The following CSNK2A2IP variants were observed in gnomAD, a reference collection of about 807,000 sequenced individuals.
CSNK2A2IP encodes casein kinase II subunit alpha'-interacting protein.
At chr3:88,422,220 C>T in the CSNK2A2IP span, among the ~76,000 whole-genome samples, 2 of 151,936 alleles carry the variant, frequency 1.3e-5, no homozygotes, top group Admixed American at 1.3e-4. Context: ...ATTTAAATTC[C>T]CATCTATTCC....
At chr3:88,373,392 G>A in the CSNK2A2IP span, among the ~76,000 whole-genome samples, 1 of 151,284 alleles carries the variant, frequency 6.6e-6, no homozygotes, top group Non-Finnish European at 1.5e-5. Flanking sequence ...ATGGATTAAA[G>A]AAGAAATAAA....
chr3:88,405,364 T>A, the CSNK2A2IP span, among the ~76,000 whole-genome samples: 2 of 152,112 alleles, frequency 1.3e-5, no homozygotes, highest in African/African-American at 4.8e-5. Flanking sequence ...TCTTTTAACC[T>A]CCGGTGAGCT....
chr3:88,464,788 T>A, the CSNK2A2IP span, among the ~76,000 whole-genome samples: 1 of 152,212 alleles, frequency 6.6e-6, no homozygotes, highest in African/African-American at 2.4e-5. Flanking sequence ...GCACCAGTGA[T>A]AACTACTGCA....
At chr3:88,427,741 A>G in the CSNK2A2IP span, among the ~76,000 whole-genome samples, 5 of 151,966 alleles carry the variant, frequency 3.3e-5, no homozygotes, top group Admixed American at 6.6e-5. Context: ...AGGTTTGGGA[A>G]CCTCCGCCTA....
chr3:88,354,245 C>T, the CSNK2A2IP span, among the ~76,000 whole-genome samples: 74 of 152,252 alleles, frequency 4.9e-4, 1 homozygote, highest in East Asian at 8.9e-3. Context: ...TTTATGGCAA[C>T]ACAAAATAGA....
the CSNK2A2IP span, among the ~76,000 whole-genome samples, chr3:88,436,416 AT>A: frequency 1.5e-3 from 232 of 152,002 alleles, no homozygotes; most frequent in African/African-American, 5.2e-3. Flanking sequence ...ATATAAATTA[AT>A]TTTTTTTGTA....
the CSNK2A2IP span, among the ~76,000 whole-genome samples, chr3:88,405,826 G>C: frequency 1.3e-5 from 2 of 152,070 alleles, no homozygotes; most frequent in Non-Finnish European, 2.9e-5. Flanking sequence ...TTAGCACTCT[G>C]TTTCATTCTT....
the CSNK2A2IP span, among the ~76,000 whole-genome samples, chr3:88,460,468 C>A: frequency 6.6e-6 from 1 of 152,158 alleles, no homozygotes; most frequent in Non-Finnish European, 1.5e-5. Flanking sequence ...AACTCTCTCT[C>A]GTTAAGTTTT....
the CSNK2A2IP span, among the ~76,000 whole-genome samples, chr3:88,425,528 T>A: frequency 6.6e-6 from 1 of 152,142 alleles, no homozygotes; most frequent in Admixed American, 6.6e-5. Context: ...TGAATTCTGT[T>A]TTCTTGTCAA....
At chr3:88,358,919 T>C in the CSNK2A2IP span, among the ~76,000 whole-genome samples, 2 of 152,080 alleles carry the variant, frequency 1.3e-5, no homozygotes, top group Non-Finnish European at 2.9e-5. Flanking sequence ...TTTGTTCCAC[T>C]TTAAACGTTG....
the CSNK2A2IP span, among the ~76,000 whole-genome samples, chr3:88,354,996 A>G: frequency 6.6e-6 from 1 of 152,134 alleles, no homozygotes; most frequent in Admixed American, 6.5e-5. Context: ...GATAGGAACC[A>G]AGAACCTTGG....
chr3:88,383,096 T>A, the CSNK2A2IP span, among the ~76,000 whole-genome samples: 1 of 146,740 alleles, frequency 6.8e-6, no homozygotes, highest in Non-Finnish European at 1.5e-5. Flanking sequence ...TCCCTCTACT[T>A]ATTTTTTTTT....
chr3:88,370,080 T>G, the CSNK2A2IP span, among the ~76,000 whole-genome samples: 1 of 151,798 alleles, frequency 6.6e-6, no homozygotes, highest in South Asian at 2.1e-4. Context: ...AGTTAGTGGC[T>G]TATGGAACCA....
chr3:88,409,071 C>G, the CSNK2A2IP span, among the ~76,000 whole-genome samples: 1 of 151,934 alleles, frequency 6.6e-6, no homozygotes, highest in Admixed American at 6.6e-5. Context: ...AGTATTTGCA[C>G]GAAAACTAGT....
chr3:88,460,797 A>T, the CSNK2A2IP span, among the ~76,000 whole-genome samples: 1 of 152,126 alleles, frequency 6.6e-6, no homozygotes, highest in African/African-American at 2.4e-5. Context: ...TTTTTATTAA[A>T]CATTTTGAGG....
the CSNK2A2IP span, among the ~76,000 whole-genome samples, chr3:88,382,413 A>C: frequency 6.6e-6 from 1 of 152,218 alleles, no homozygotes; most frequent in African/African-American, 2.4e-5. Context: ...GATGGGGCTT[A>C]ATTAAGACCT....
the CSNK2A2IP span, among the ~76,000 whole-genome samples, chr3:88,341,588 A>C: frequency 6.7e-6 from 1 of 149,536 alleles, no homozygotes; most frequent in South Asian, 2.2e-4. Flanking sequence ...ATACTCAATA[A>C]ATGCTATCTC....
the CSNK2A2IP span, among the ~76,000 whole-genome samples, chr3:88,448,025 A>G: frequency 2.6e-5 from 4 of 152,222 alleles, no homozygotes; most frequent in Non-Finnish European, 5.9e-5. Context: ...CTTTATACCT[A>G]AAATATTGTC....
chr3:88,461,160 C>T, the CSNK2A2IP span, among the ~76,000 whole-genome samples: 7 of 151,998 alleles, frequency 4.6e-5, no homozygotes, highest in Middle Eastern at 3.4e-3. Flanking sequence ...ATTGTTGTTT[C>T]GTAATTACTG....
Sources: gnomAD v4.1 joint callset for allele counts (sites outside exome capture counted in the v4.1 genomes callset) on GRCh38, gnomAD v4.1.1 for gene constraint, MANE v1.5 for transcripts, NCBI Gene and HGNC (gene_info 2026-07-23, HGNC 2026-07-21) for gene names.